The following ALK variants were observed in gnomAD, a reference collection of about 807,000 sequenced individuals.
ALK encodes the protein ALK tyrosine kinase receptor.
In ALK, 74 loss-of-function variants were observed where a neutral mutation model predicts 163.1. The ratio of observed to expected loss-of-function variants is 0.45; its 90% CI spans 0.38 to 0.55. ALK has a LOEUF of 0.55. Ranked by LOEUF, ALK falls within the 20% of genes least tolerant of loss-of-function variation. The pLI is 0.00. For synonymous variants in ALK, 960 were observed against 843.2 expected (o/e 1.14, Z -2.40); for missense variants, 2,063 against 2,105.3 (o/e 0.98, Z 0.39).
intron 1 of ALK, among the ~76,000 whole-genome samples, chr2:29,838,870 T>C (rs1362112359): frequency 6.6e-6 from 1 of 152,008 alleles, no homozygotes; most frequent in Admixed American, 6.6e-5. Context: ...TCAAAACTCA[T>C]CCTACTGGAC....
chr2:29,917,254 C>T (rs1381652825), intron 1 of ALK, among the ~76,000 whole-genome samples: 1 of 152,172 alleles, frequency 6.6e-6, no homozygotes, highest in Non-Finnish European at 1.5e-5. Flanking sequence ...CCACAAATAG[C>T]CCCATCAGCA....
intron 3 of ALK, among the ~76,000 whole-genome samples, chr2:29,619,064 G>T (rs959085478): frequency 6.6e-6 from 1 of 152,052 alleles, no homozygotes; most frequent in African/African-American, 2.4e-5. Flanking sequence ...TTAAGAAAAT[G>T]ATTATATAAC....
intron 3 of ALK, among the ~76,000 whole-genome samples, chr2:29,648,258 C>A (rs1390526628): frequency 6.6e-6 from 1 of 152,130 alleles, no homozygotes; most frequent in South Asian, 2.1e-4. Flanking sequence ...GTACTCTAGG[C>A]TTACAACAAA....
intron 3 of ALK, among the ~76,000 whole-genome samples, chr2:29,549,137 TACACACACACAC>T (rs58557380): frequency 2.0e-5 from 3 of 149,672 alleles, no homozygotes; most frequent in African/African-American, 7.4e-5. Flanking sequence ...GATCTACAGG[TACACACACACAC>T]ACACACACAC....
Position 29,193,937 on chromosome 2 carries a change from AT to A in ALK, c.4165-16del, listed in dbSNP as rs774264912. On this transcript the variant is annotated splice_polypyrimidine_tract_variant and intron_variant, in intron 28 of 28. Transcript: ENST00000389048. ...ACATCCGGGTCCTGCCGTAGGGGAAATTATTAAAACTTTGAATCAGAGACAA... is the reference window on the plus strand; with the variant it reads ...ACATCCGGGTCCTGCCGTAGGGGAAATATTAAAACTTTGAATCAGAGACAA... The A allele has an allele frequency of 6.8e-6, 11 of 1,613,364 alleles. No homozygotes were observed. In the African/African-American group the frequency reaches 1.3e-4, roughly 20 times the overall value.
intron 1 of ALK, among the ~76,000 whole-genome samples, chr2:29,727,667 T>C (rs1425372191): frequency 6.6e-6 from 1 of 152,220 alleles, no homozygotes; most frequent in African/African-American, 2.4e-5. Flanking sequence ...GGTATTGGCA[T>C]GATGCTATAT....
intron 16 of ALK, 85 bp downstream of exon 16, chr2:29,228,799 A>C: frequency 1.2e-6 from 1 of 865,062 alleles, no homozygotes; most frequent in Non-Finnish European, 1.9e-6. Flanking sequence ...AGGCCAGGGG[A>C]GGGCAGGGGA....
chr2:29,393,321 T>C (rs1450639351), intron 4 of ALK, among the ~76,000 whole-genome samples: 1 of 152,180 alleles, frequency 6.6e-6, no homozygotes, highest in African/African-American at 2.4e-5. Flanking sequence ...AAGTGAGTTG[T>C]AGAAACCAGA....
At chr2:29,620,459 G>A (rs1675999162) in intron 3 of ALK, among the ~76,000 whole-genome samples, 1 of 146,220 alleles carries the variant, frequency 6.8e-6, no homozygotes, top group Middle Eastern at 3.4e-3. Context: ...GGTACTGGGG[G>A]TGAGGACCTC....
At position 29,497,073 on chromosome 2, in the gene ALK, C is replaced by G. The variant is rs1245566433; in HGVS notation, c.1154+34842G>C. Among the ~76,000 whole-genome samples the G allele has an allele frequency of 2.0e-5, 3 of 152,156 alleles. No homozygotes were observed. In the East Asian group the frequency reaches 5.8e-4, roughly 29 times the overall value. ...ATCACCTGAGGTGAGGAGTTCGAGA[C>G]CAGCCTAGTCAACATGGTGAAACCC... On this transcript the variant is annotated intron_variant, in intron 4 of 28. Coordinates refer to ENST00000389048, the MANE Select transcript of ALK (RefSeq NM_004304.5).
intron 3 of ALK, among the ~76,000 whole-genome samples, chr2:29,574,830 C>G (rs908101236): frequency 6.6e-6 from 1 of 152,120 alleles, no homozygotes; most frequent in Non-Finnish European, 1.5e-5. Flanking sequence ...GAAAATGGGA[C>G]GCAGCACAGT....
At chr2:29,852,178 G>A (rs934114323) in intron 1 of ALK, among the ~76,000 whole-genome samples, 9 of 152,142 alleles carry the variant, frequency 5.9e-5, no homozygotes, top group African/African-American at 1.4e-4. Flanking sequence ...TTGTTTCCTT[G>A]GAAGAGGCTA....
At chr2:29,682,342 C>A (rs1573552245) in intron 3 of ALK, among the ~76,000 whole-genome samples, 1 of 152,156 alleles carries the variant, frequency 6.6e-6, no homozygotes, top group African/African-American at 2.4e-5. Flanking sequence ...CTCTCAAATC[C>A]TCATTTTGAA....
chr2:29,684,803 G>A (rs963328827), intron 3 of ALK, among the ~76,000 whole-genome samples: 2 of 152,172 alleles, frequency 1.3e-5, no homozygotes, highest in African/African-American at 2.4e-5. Context: ...TGTCATAATG[G>A]TAAGAACATA....
At chr2:29,885,889 A>G (rs938178666) in intron 1 of ALK, among the ~76,000 whole-genome samples, 3 of 152,218 alleles carry the variant, frequency 2.0e-5, no homozygotes, top group Non-Finnish European at 2.9e-5. Context: ...TTTTTAGAGA[A>G]ATGAGAAAGC....
rs895831115 is a variant in ALK at position 29,316,470 on chromosome 2, T to C, written c.1647+1834A>G. On this transcript the variant is annotated intron_variant, in intron 8 of 28. Transcript: ENST00000389048. ...TAAAACGAAACACCTGTTTAAGCTATTGATCAACTCAAAGGTTATTAGAGA... is the reference window on the plus strand; with the variant it reads ...TAAAACGAAACACCTGTTTAAGCTACTGATCAACTCAAAGGTTATTAGAGA... Among the ~76,000 whole-genome samples, 3 of 151,958 alleles carry C rather than the reference T, an allele frequency of 2.0e-5. No homozygotes were observed. In the East Asian group the frequency reaches 5.8e-4, roughly 29 times the overall value.
chr2:29,210,880 G>A (rs1381497947), intron 24 of ALK, among the ~76,000 whole-genome samples: 1 of 152,156 alleles, frequency 6.6e-6, no homozygotes, highest in Non-Finnish European at 1.5e-5. Flanking sequence ...GTCAACCGCT[G>A]TCCAAGACTC....
intron 4 of ALK, among the ~76,000 whole-genome samples, chr2:29,470,106 G>A (rs1293879985): frequency 6.6e-6 from 1 of 152,170 alleles, no homozygotes; most frequent in South Asian, 2.1e-4. Flanking sequence ...TAATTCAATA[G>A]ATGAGTTTAA....
Position 29,383,847 on chromosome 2 carries a change from G to T in ALK, c.1167C>A (p.Leu389=). The change falls in exon 5 of 29, where the codon CTC becomes CTA. Residue 389 remains leucine, a synonymous_variant. Coordinates refer to ENST00000389048, the MANE Select transcript of ALK (RefSeq NM_004304.5). The part of the protein sequence containing the change: ...PTPGKHGWTV[L]QGRIGRPDNP... ...TGTCTGGACGCCCGATTCTTCCCTG[G>T]AGCACTGTCCAACTGGTTGCATTGG... 6.2e-7 allele frequency: 1 copy of T among 1,614,092 alleles called. No individual in the cohort carries two copies. The highest frequency in any genetic ancestry group is 1.1e-5 in the South Asian group (1 of 91,076).
Sources: allele counts gnomAD v4.1 joint callset (sites outside exome capture counted in the v4.1 genomes callset), GRCh38; gene constraint gnomAD v4.1.1; transcripts MANE v1.5; gene names NCBI Gene and HGNC (gene_info 2026-07-23, HGNC 2026-07-21).